The following JADE1 variants were observed in gnomAD, a reference collection of about 807,000 sequenced individuals.
JADE1 encodes the protein jade family PHD finger 1, also known as protein Jade-1.
JADE1 carries 14 observed loss-of-function variants against 81.8 expected under a neutral mutation model. That is an observed-to-expected ratio of 0.17 (90% confidence interval 0.11 to 0.27). The LOEUF is 0.27. JADE1 is among the 10% of genes least tolerant of loss of function. JADE1 has a pLI of 1.00. For synonymous variants in JADE1, 353 were observed against 391.9 expected, an observed-to-expected ratio of 0.90 and a Z score of 1.17; for missense variants, 690 against 1,047.9, an observed-to-expected ratio of 0.66 and a Z score of 4.71.
At chr4:128,859,983 A>G (rs1731187972) in intron 8 of JADE1, among the ~76,000 whole-genome samples, 1 of 152,194 alleles carries the variant, frequency 6.6e-6, no homozygotes, top group African/African-American at 2.4e-5. Context: ...TGAATGGGAA[A>G]ACCCAGAGGA....
At chr4:128,841,543 G>A (rs1038901411) in intron 2 of JADE1, among the ~76,000 whole-genome samples, 4 of 152,196 alleles carry the variant, frequency 2.6e-5, no homozygotes, top group Non-Finnish European at 4.4e-5. Context: ...CATCAAAGTA[G>A]GAATGTAAGA....
At chr4:128,819,333 G>A (rs1230920042) in intron 1 of JADE1, among the ~76,000 whole-genome samples, 1 of 152,092 alleles carries the variant, frequency 6.6e-6, no homozygotes, top group Non-Finnish European at 1.5e-5. Context: ...GCAGTGGCAC[G>A]ATCACGGCTC....
intron 1 of JADE1, chr4:128,810,533 A>G (rs576764451): frequency 2.0e-5 from 3 of 150,214 alleles, no homozygotes; most frequent in Non-Finnish European, 4.4e-5. Flanking sequence ...AACTTGGTAG[A>G]CAGATGGCAA....
chr4:128,814,046 A>G (rs1003293817), intron 1 of JADE1, among the ~76,000 whole-genome samples: 2 of 139,738 alleles, frequency 1.4e-5, no homozygotes, highest in Admixed American at 7.0e-5. Context: ...ATTTAAAAGA[A>G]AAAAAAAAAA....
intron 9 of JADE1, among the ~76,000 whole-genome samples, 194 bp from the exon 10 acceptor site, chr4:128,867,662 G>A (rs1231682560): frequency 1.3e-5 from 2 of 152,148 alleles, no homozygotes; most frequent in Non-Finnish European, 2.9e-5. Context: ...TATGTTGAGG[G>A]CTATATGTGG....
intron 1 of JADE1, among the ~76,000 whole-genome samples, chr4:128,819,563 T>C (rs952452410): frequency 3.3e-5 from 5 of 152,218 alleles, no homozygotes; most frequent in African/African-American, 1.2e-4. Context: ...AGGGTGTATG[T>C]GTCACAGCAA....
chr4:128,852,860 C>T (rs553245389), intron 6 of JADE1, among the ~76,000 whole-genome samples: 5 of 151,852 alleles, frequency 3.3e-5, no homozygotes, highest in East Asian at 3.9e-4. Context: ...CCTTGGCTCG[C>T]GGCTGCCTTC....
intron 1 of JADE1, 189 bp downstream of exon 1, chr4:128,810,066 T>C (rs1341623387): frequency 6.5e-6 from 1 of 153,024 alleles, no homozygotes; most frequent in African/African-American, 2.4e-5. Context: ...TCGGGAGTTC[T>C]CGGGAGTAAT....
chr4:128,863,457 T>G (rs1579235182), intron 9 of JADE1: 4 of 984,460 alleles, frequency 4.1e-6, no homozygotes, highest in Non-Finnish European at 4.8e-6. Context: ...CCTGATCTCA[T>G]GGAGACCTGC....
Position 128,873,682 on chromosome 4 carries a change from A to T in JADE1, c.*1420A>T, listed in dbSNP as rs1170300410. 6.6e-6 allele frequency: 1 copy of T among 152,326 alleles called. No individual in the cohort carries two copies. The highest frequency in any genetic ancestry group is 1.5e-5 in the Non-Finnish European group (1 of 68,040). 9.4% of individuals were successfully genotyped at this position (152,326 alleles called of 1,614,324 possible). On this transcript the variant is annotated 3_prime_UTR_variant, in exon 11 of 11. Transcript: ENST00000226319. ...TTAAATAGCAATGAGATACAGAATT[A>T]TGGGCCTTTGGAACAAGCCCGACTT...
rs1470174416 is a variant in JADE1, at chr4:128,832,029, C to T, written c.52+219C>T. On this transcript the variant is annotated intron_variant, in intron 2 of 10. Coordinates refer to ENST00000226319, the MANE Select transcript of JADE1 (RefSeq NM_199320.4). ...TGCAGGCAAGCATTCCTGAGGCTTC[C>T]TATTTGTTATCCTGGGAGGAATAAT... 5.3e-5 allele frequency among the ~76,000 whole-genome samples: 8 copies of T among 152,160 alleles called. No homozygotes were observed. In the South Asian group the frequency reaches 1.7e-3, roughly 32 times the overall value.
At chr4:128,857,041 G>A (rs1256809393) in intron 7 of JADE1, among the ~76,000 whole-genome samples, 1 of 152,116 alleles carries the variant, frequency 6.6e-6, no homozygotes, top group Non-Finnish European at 1.5e-5. Context: ...GATTATAGAC[G>A]GCATTGTCCT....
intron 2 of JADE1, among the ~76,000 whole-genome samples, chr4:128,834,986 A>T (rs771471994): frequency 4.5e-4 from 61 of 135,502 alleles, no homozygotes; most frequent in Admixed American, 8.0e-4. Flanking sequence ...TCTCTATTTT[A>T]AAAAAAAAAA....
In JADE1 at chr4:128,849,002, C is replaced by T; in HGVS notation, c.319C>T (p.Leu107Phe). The change falls in exon 5 of 11, where the codon CTC becomes TTC. Residue 107 changes from leucine (L) to phenylalanine (F), a missense_variant. Around this residue, in one of 8 missense-constraint regions of JADE1, gnomAD observed 98 missense variants for 161.3 expected, o/e 0.61. Coordinates refer to ENST00000226319, the MANE Select transcript of JADE1 (RefSeq NM_199320.4). ...CAGGGTTGTGTCTGAAGAGAAATCC[C>T]TCATGTTCATCAGGCCCAAGAAGTA... ...VARVVSEEKS[L>F]MFIRPKKYIV... is the part of the protein sequence containing the mutation. The T allele has an allele frequency of 6.2e-7, 1 of 1,614,014 alleles. No individual in the cohort carries two copies. The highest frequency in any genetic ancestry group is 8.5e-7 in the Non-Finnish European group (1 of 1,179,998).
At chr4:128,859,942 G>A (rs546504636) in intron 8 of JADE1, among the ~76,000 whole-genome samples, 2 of 152,318 alleles carry the variant, frequency 1.3e-5, no homozygotes, top group African/African-American at 4.8e-5. Flanking sequence ...TCTGGTTTAC[G>A]TTTCTGTAAC....
chr4:128,812,809 C>T (rs1726598053), intron 1 of JADE1, among the ~76,000 whole-genome samples: 1 of 152,256 alleles, frequency 6.6e-6, no homozygotes, highest in African/African-American at 2.4e-5. Flanking sequence ...GGGCGAGGGG[C>T]TGTCGCCCTC....
rs190089014 is a variant in JADE1 at position 128,842,057 on chromosome 4, A to G, written c.53-896A>G. On this transcript the variant is annotated intron_variant, in intron 2 of 10. Transcript: ENST00000226319. Reference sequence around the variant, plus strand: ...GAGAACAGAGCCAACTGGAATTTTCATGGGAAAGTGGAGCAAATTTTAAAG... The same window carrying G: ...GAGAACAGAGCCAACTGGAATTTTCGTGGGAAAGTGGAGCAAATTTTAAAG... 1.2e-3 allele frequency among the ~76,000 whole-genome samples: 187 copies of G among 152,250 alleles called. 1 individual carries two copies. The highest frequency in any genetic ancestry group is 2.1e-3 in the Non-Finnish European group (146 of 68,012).
chr4:128,874,843 G>A lies in JADE1; in HGVS notation c.*2581G>A, dbSNP rs775486944. On this transcript the variant is annotated 3_prime_UTR_variant, in exon 11 of 11. Transcript: ENST00000226319. ...AGTTAAACTTTTGTAAAGTTGCCTG[G>A]AATGTCATTTGTTAGGTTATAAACA... is the stretch of plus-strand genomic sequence containing the variant. 2.9e-4 allele frequency: 44 copies of A among 152,552 alleles called. 1 individual carries two copies. Among genetic ancestry groups the A allele is most frequent in the Non-Finnish European group, 4.6e-4 (31 of 67,996 alleles). The allele number at this position is 152,552 out of a possible 1,614,324, so 9.4% of individuals were successfully genotyped here.
intron 1 of JADE1, among the ~76,000 whole-genome samples, chr4:128,814,815 G>A (rs955335801): frequency 2.6e-5 from 4 of 151,650 alleles, no homozygotes; most frequent in African/African-American, 7.3e-5. Flanking sequence ...CACCTGCCTC[G>A]GCCTCCCAAA....
Sources: gnomAD v4.1 joint callset for allele counts (sites outside exome capture counted in the v4.1 genomes callset) on GRCh38, gnomAD v4.1.1 for gene constraint, gnomAD v4.1.1 regional missense constraint, MANE v1.5 for transcripts, NCBI Gene and HGNC (gene_info 2026-07-23, HGNC 2026-07-21) for gene names.